TBC1D9: variants seen among roughly 807,000 people sequenced by gnomAD.
TBC1D9 encodes the protein TBC1 domain family member 9A.
TBC1D9 carries 63 observed loss-of-function variants against 132.0 expected under a neutral mutation model. That is an observed-to-expected ratio of 0.48 (90% CI 0.39 to 0.59). The LOEUF is 0.59. Among genes scored for constraint, TBC1D9 ranks in the 20% least tolerant of loss-of-function variants. TBC1D9 has a pLI of 0.00. For synonymous variants in TBC1D9, 610 were observed against 609.9 expected (o/e 1.00, Z 0.00); for missense variants, 1,261 against 1,592.7 (o/e 0.79, Z 3.54).
intron 7 of TBC1D9, 50 bp from the exon 8 acceptor site, chr4:140,669,854 C>A (rs773554869): frequency 3.8e-5 from 59 of 1,544,850 alleles, no homozygotes; most frequent in Non-Finnish European, 5.0e-5. Context: ...GGCAATAGAA[C>A]CTACTTCTTC....
chr4:140,654,168 G>A (rs2110993353), intron 13 of TBC1D9, among the ~76,000 whole-genome samples: 1 of 152,362 alleles, frequency 6.6e-6, no homozygotes, highest in East Asian at 1.9e-4. Context: ...GAGCACACCT[G>A]AACAAAGGGC....
intron 13 of TBC1D9, among the ~76,000 whole-genome samples, chr4:140,641,098 A>AAAAAAAAAAAAAAAAAAAAAAAG (rs1736983582): frequency 8.9e-6 from 1 of 111,972 alleles, no homozygotes; most frequent in Non-Finnish European, 1.7e-5. Context: ...AGCAAAAAAA[A>AAAAAAAAAAAAAAAAAAAAAAAG]AAAAAACAAA....
chr4:140,726,199 G>T (rs917876434), intron 1 of TBC1D9, among the ~76,000 whole-genome samples: 1 of 152,020 alleles, frequency 6.6e-6, no homozygotes, highest in African/African-American at 2.4e-5. Context: ...TGAGGCAGGA[G>T]AATCAATCAA....
At chr4:140,715,711 C>A (rs1469342336) in intron 1 of TBC1D9, 2 of 152,200 alleles carry the variant, frequency 1.3e-5, no homozygotes, top group African/African-American at 4.8e-5. Context: ...GATACAGTAG[C>A]AGCCTGGCTT....
intron 13 of TBC1D9, chr4:140,643,165 C>T (rs1049862654): frequency 3.1e-5 from 44 of 1,440,806 alleles, no homozygotes; most frequent in Non-Finnish European, 4.2e-5. Flanking sequence ...ATGTGGCTGC[C>T]GGCTGCCAGC....
chr4:140,724,953 G>A (rs1246271257), intron 1 of TBC1D9, among the ~76,000 whole-genome samples: 1 of 152,088 alleles, frequency 6.6e-6, no homozygotes, highest in African/African-American at 2.4e-5. Flanking sequence ...CTCACACATG[G>A]TTTGTGAGCG....
In TBC1D9 at chr4:140,676,801, AAAAGCC is replaced by A. The variant is rs878987956; in HGVS notation, c.1059+87_1059+92del. The A allele has an allele frequency of 1.8e-4, 271 of 1,505,848 alleles. 2 individuals are homozygous for A. The South Asian group carries it at 2.1e-3, about 12-fold the overall frequency. 93.3% of individuals were successfully genotyped at this position (1,505,848 alleles called of 1,614,324 possible). On this transcript the variant is annotated intron_variant, in intron 6 of 20. Transcript: ENST00000442267. Reference sequence around the variant, plus strand: ...GACGCATGAACATTCACCTGTGTTCAAAAGCCAATTGTTGGTAAAAAAATTATTCCT... The same window carrying A: ...GACGCATGAACATTCACCTGTGTTCAAATTGTTGGTAAAAAAATTATTCCT...
intron 1 of TBC1D9, among the ~76,000 whole-genome samples, chr4:140,715,136 C>T (rs543174639): frequency 7.2e-5 from 11 of 152,216 alleles, no homozygotes; most frequent in East Asian, 3.9e-4. Flanking sequence ...AACAAACAAA[C>T]GAACAAACAA....
intron 13 of TBC1D9, chr4:140,642,781 G>A: frequency 1.6e-6 from 1 of 637,072 alleles, no homozygotes; most frequent in Middle Eastern, 2.6e-4. Flanking sequence ...GAGATTTGCT[G>A]CTCAGCTTTC....
chr4:140,677,416 A>G (rs1737642501), intron 5 of TBC1D9, among the ~76,000 whole-genome samples: 1 of 152,202 alleles, frequency 6.6e-6, no homozygotes, highest in South Asian at 2.1e-4. Flanking sequence ...CACTCTAAAG[A>G]GGTCACTGCA....
At chr4:140,737,652 A>G (rs1738697108) in intron 1 of TBC1D9, among the ~76,000 whole-genome samples, 1 of 152,228 alleles carries the variant, frequency 6.6e-6, no homozygotes, top group South Asian at 2.1e-4. Flanking sequence ...TAAACAATAC[A>G]AAGTGAACTG....
chr4:140,643,711 T>C, intron 13 of TBC1D9: 1 of 1,206,666 alleles, frequency 8.3e-7, no homozygotes. Flanking sequence ...AATGCGGCCG[T>C]GCAGGGTTCT....
At chr4:140,745,906 TG>T (rs1336145800) in intron 1 of TBC1D9, among the ~76,000 whole-genome samples, 1 of 152,222 alleles carries the variant, frequency 6.6e-6, no homozygotes, top group Non-Finnish European at 1.5e-5. Context: ...CAGGGCTTCA[TG>T]AATATCACTT....
intron 13 of TBC1D9, among the ~76,000 whole-genome samples, chr4:140,649,732 G>A (rs1224537856): frequency 6.6e-6 from 1 of 152,090 alleles, no homozygotes; most frequent in Non-Finnish European, 1.5e-5. Context: ...AGAAGAAGAG[G>A]GTGAGGGGGG....
intron 13 of TBC1D9, among the ~76,000 whole-genome samples, chr4:140,651,297 C>T (rs944193880): frequency 3.9e-5 from 6 of 152,038 alleles, no homozygotes; most frequent in Non-Finnish European, 7.4e-5. Context: ...ACCCCGTCTC[C>T]ACAAAAAAGA....
At chr4:140,705,695 G>A (rs1180294599) in intron 1 of TBC1D9, among the ~76,000 whole-genome samples, 3 of 151,958 alleles carry the variant, frequency 2.0e-5, no homozygotes, top group Admixed American at 6.6e-5. Flanking sequence ...GAATCCCCCC[G>A]CCCCACTGCA....
chr4:140,743,061 A>G (rs144214655), intron 1 of TBC1D9, among the ~76,000 whole-genome samples: 190 of 152,248 alleles, frequency 1.2e-3, no homozygotes, highest in Admixed American at 2.2e-3. Context: ...GGAAGGACAG[A>G]TGGAAGGAGT....
At chr4:140,705,511 CATGTGTGTGT>C (rs1738137001) in intron 1 of TBC1D9, among the ~76,000 whole-genome samples, 1 of 114,318 alleles carries the variant, frequency 8.7e-6, no homozygotes, top group African/African-American at 4.4e-5. Flanking sequence ...GGGGTGTGTG[CATGTGTGTGT>C]GTGTGTGTGT....
In TBC1D9 at chr4:140,622,323, C is replaced by G. The variant is rs1177073615; in HGVS notation, c.3673G>C (p.Ala1225Pro). 6.2e-7 allele frequency: 1 copy of G among 1,613,814 alleles called. No homozygotes were observed. Among genetic ancestry groups the G allele is most frequent in the Non-Finnish European group, 8.5e-7 (1 of 1,179,732 alleles). Residue 1225 changes from alanine to proline, a missense_variant, in exon 21 of 21, where the codon GCC becomes CCC. Physicochemically the swap from Ala to Pro is conservative, Grantham distance 27. Coordinates refer to ENST00000442267, the MANE Select transcript of TBC1D9 (RefSeq NM_015130.3). ...QFLASLLTEP[A>P]LVKYFDKPVC... is the part of the protein sequence containing the mutation. ...GGCTTGTCAAAGTACTTGACCAGGG[C>G]AGGCTCAGTTAAGAGGGAGGCCAGG...
Sources: gnomAD v4.1 joint callset for allele counts (sites outside exome capture counted in the v4.1 genomes callset) on GRCh38, gnomAD v4.1.1 for gene constraint, MANE v1.5 for transcripts, NCBI Gene and HGNC (gene_info 2026-07-23, HGNC 2026-07-21) for gene names.